Variants in WDR54 observed in about 807,000 individuals in gnomAD.
WDR54 encodes the protein WD repeat domain 54.
Under a neutral mutation model 44.1 loss-of-function variants are expected in WDR54, and 44 were observed. The ratio of observed to expected loss-of-function variants is 1.00; its 90% CI spans 0.78 to 1.28. WDR54 has a LOEUF of 1.28. WDR54 is among the 50% of genes most tolerant of loss of function. The pLI is 0.00. For missense variants in WDR54, 409 were observed against 429.7 expected (o/e 0.95, Z 0.43); for synonymous variants, 169 against 169.8 (o/e 1.00, Z 0.04).
At chr2:74,423,740 C>T in intron 5 of WDR54, 115 bp from the exon 6 acceptor site, 2 of 1,504,428 alleles carry the variant, frequency 1.3e-6, no homozygotes, top group Non-Finnish European at 1.8e-6. Flanking sequence ...GCCGTTGGAG[C>T]AGTGAGAGGG....
intron 1 of WDR54, 65 bp from the exon 2 acceptor site, chr2:74,422,088 C>T: frequency 6.5e-7 from 1 of 1,528,832 alleles, no homozygotes; most frequent in Non-Finnish European, 9.0e-7. Flanking sequence ...ATGATAGCCG[C>T]CCTCGGGCAT....
At chr2:74,422,116 G>A (rs1225939380) in intron 1 of WDR54, 37 bp from the exon 2 acceptor site, 1 of 1,598,948 alleles carries the variant, frequency 6.3e-7, no homozygotes, top group South Asian at 1.1e-5. Context: ...GCGTCTGTTT[G>A]TAGCGCGCCT....
rs375496069 is a variant in WDR54 at position 74,424,929 on chromosome 2, C to A, written c.589C>A (p.Arg197=). 2.5e-6 allele frequency: 4 copies of A among 1,614,144 alleles called. 1 individual carries two copies. The African/African-American group carries it at 5.3e-5, about 22-fold the overall frequency. ...ADDSGLLCVW[R]SGPEFTLLTR... ...TGACTCAGGCTTGCTGTGTGTCTGG[C>A]GGTCAGGGCCAGAATTCACATTATT... The change falls in exon 7 of 10, where the codon CGG becomes AGG. Residue 197 remains arginine (R), a synonymous_variant. Coordinates refer to ENST00000348227, the MANE Select transcript of WDR54 (RefSeq NM_032118.4).
In WDR54 at chr2:74,421,825, T is replaced by C. The variant is rs1022084515; in HGVS notation, c.-2+9T>C. 1.9e-5 allele frequency: 13 copies of C among 668,230 alleles called. No individual in the cohort carries two copies. The African/African-American group carries it at 2.2e-4, about 11-fold the overall frequency. The allele number at this position is 668,230 out of a possible 1,614,324, so 41.4% of individuals were successfully genotyped here. A position where few individuals can be genotyped will look rare whatever the true frequency, so the allele number is the denominator to read the frequency against. On this transcript the variant is annotated intron_variant, in intron 1 of 9. Coordinates refer to ENST00000348227, the MANE Select transcript of WDR54 (RefSeq NM_032118.4). ...CCGATCTGGGGCTGCAGGTGTTACC[T>C]CTGATCTAGGCCGGGGGCTTCAGGG...
At position 74,425,126 on chromosome 2, in the gene WDR54, T is replaced by C. The variant is rs780252412; in HGVS notation, c.687T>C (p.Tyr229=). 1.3e-6 allele frequency: 2 copies of C among 1,575,020 alleles called. No individual in the cohort carries two copies. Among genetic ancestry groups the C allele is most frequent in the African/African-American group, 1.3e-5 (1 of 74,372 alleles). The change falls in exon 8 of 10, where the codon TAT becomes TAC. Residue 229 remains tyrosine (Y), a synonymous_variant. Coordinates refer to ENST00000348227, the MANE Select transcript of WDR54 (RefSeq NM_032118.4). ...QLWQGIIAAG[Y]GNGQVHLYEA... ...GGCAGGGGATCATAGCAGCAGGCTA[T>C]GGGAACGGACAAGTGCATCTATATG...
chr2:74,425,715 C>T lies in WDR54; in HGVS notation c.*14C>T. ...AGCAGTGTGTGAGAAGAGCAGCCTT[C>T]CTTTGTCCCTGTGGTATTCATAAAG... On this transcript the variant is annotated 3_prime_UTR_variant, in exon 10 of 10. Coordinates refer to ENST00000348227, the MANE Select transcript of WDR54 (RefSeq NM_032118.4). The T allele has an allele frequency of 6.2e-7, 1 of 1,614,086 alleles. No homozygotes were observed. The highest frequency in any genetic ancestry group is 8.5e-7 in the Non-Finnish European group (1 of 1,180,016).
rs1465190573 is a variant in WDR54 at position 74,422,166 on chromosome 2, G to A, written c.13G>A (p.Glu5Lys). The stretch of plus-strand genomic sequence containing the variant: ...ACCCCCACACAGGATGTTCCGCTGG[G>A]AGCGCTCCATTCCCCTGCGAGGCTC... MFRW[E>K]RSIPLRGSAA... Residue 5 changes from glutamate to lysine, a missense_variant, in exon 2 of 10, where the codon GAG (glutamate) becomes AAG (lysine). Physicochemically the swap from Glu to Lys is moderately conservative, Grantham distance 56. Transcript: ENST00000348227. The A allele has an allele frequency of 6.2e-7, 1 of 1,612,844 alleles. No individual in the cohort carries two copies. The highest frequency in any genetic ancestry group is 8.5e-7 in the Non-Finnish European group (1 of 1,179,880).
In WDR54 at chr2:74,425,470, C is replaced by A. The variant is rs550064902; in HGVS notation, c.852C>A (p.Asn284Lys). Residue 284 changes from asparagine to lysine, a missense_variant, in exon 9 of 10, where the codon AAC becomes AAA. By Grantham distance (94) the Asn-to-Lys change is moderately conservative. Coordinates refer to ENST00000348227, the MANE Select transcript of WDR54 (RefSeq NM_032118.4). Reference sequence around the variant, plus strand: ...TGCATATCTGGAAGCTGAGCAGAAACCCAGAGAGTGGCTACATTGAGGTAT... The same window carrying A: ...TGCATATCTGGAAGCTGAGCAGAAAACCAGAGAGTGGCTACATTGAGGTAT... ...TFVHIWKLSRNPESGYIEVEH... is the reference protein window; with the variant it reads ...TFVHIWKLSRKPESGYIEVEH... The A allele has an allele frequency of 8.1e-6, 13 of 1,614,206 alleles. No individual in the cohort carries two copies. In the African/African-American group the frequency reaches 1.7e-4, roughly 22 times the overall value.
Position 74,425,507 on chromosome 2 carries a change from T to A in WDR54, c.873+16T>A. ...CTACATTGAGGTATGTGTCATGGGGTGGGTGGAATGGGGGGGCCCAAGCAT... is the reference window on the plus strand; with the variant it reads ...CTACATTGAGGTATGTGTCATGGGGAGGGTGGAATGGGGGGGCCCAAGCAT... On this transcript the variant is annotated intron_variant, in intron 9 of 9. Transcript: ENST00000348227. 1 of 1,613,142 alleles carries A rather than the reference T, an allele frequency of 6.2e-7. No homozygotes were observed. The highest frequency in any genetic ancestry group is 8.5e-7 in the Non-Finnish European group (1 of 1,179,814).
At position 74,425,175 on chromosome 2, in the gene WDR54, G is replaced by A. The variant is rs762328606; in HGVS notation, c.736G>A (p.Val246Ile). 13 of 1,545,514 alleles carry A rather than the reference G, an allele frequency of 8.4e-6. No homozygotes were observed. Among genetic ancestry groups the A allele is most frequent in the African/African-American group, 1.4e-5 (1 of 73,174 alleles). ...LYEATTGNLH[V>I]QINAHARAIC... Reference sequence around the variant, plus strand: ...TGAGGCCACTACAGGAAATCTACATGTCCAGATCAATGCCCATGCCCGGGC... The same window carrying A: ...TGAGGCCACTACAGGAAATCTACATATCCAGATCAATGCCCATGCCCGGGC... The change falls in exon 8 of 10, where the codon GTC (valine) becomes ATC (isoleucine). Residue 246 changes from valine to isoleucine, a missense_variant. Coordinates refer to ENST00000348227, the MANE Select transcript of WDR54 (RefSeq NM_032118.4).
Position 74,424,977 on chromosome 2 carries a change from T to C in WDR54, c.635+2T>C. The C allele has an allele frequency of 6.2e-7, 1 of 1,613,962 alleles. No individual in the cohort carries two copies. The highest frequency in any genetic ancestry group is 8.5e-7 in the Non-Finnish European group (1 of 1,179,962). ...ATTGACCCGCATTCCAGGATTTGGGTAGGTGAGGCAGAAAGGGTAGAGGGC... is the reference window on the plus strand; with the variant it reads ...ATTGACCCGCATTCCAGGATTTGGGCAGGTGAGGCAGAAAGGGTAGAGGGC... On this transcript the variant is annotated splice_donor_variant, in intron 7 of 9. Coordinates refer to ENST00000348227, the MANE Select transcript of WDR54 (RefSeq NM_032118.4). LOFTEE classifies it high-confidence loss of function.
chr2:74,422,376 G>C lies in WDR54; in HGVS notation c.222+1G>C. Reference sequence around the variant, plus strand: ...AGTGAGTCCCCCACTTATCACTCAGGTGAGGCATGGAGCTGGGAGTGATGT... The same window carrying C: ...AGTGAGTCCCCCACTTATCACTCAGCTGAGGCATGGAGCTGGGAGTGATGT... On this transcript the variant is annotated splice_donor_variant, in intron 2 of 9. Coordinates refer to ENST00000348227, the MANE Select transcript of WDR54 (RefSeq NM_032118.4). LOFTEE classifies it high-confidence loss of function. 6.2e-7 allele frequency: 1 copy of C among 1,611,020 alleles called. No homozygotes were observed. Among genetic ancestry groups the C allele is most frequent in the Non-Finnish European group, 8.5e-7 (1 of 1,177,760 alleles).
intron 4 of WDR54, 33 bp downstream of exon 4, chr2:74,423,418 G>A: frequency 6.2e-7 from 1 of 1,614,168 alleles, no homozygotes. Context: ...TGGGGGCAGG[G>A]AGTGTTTGCT....
intron 5 of WDR54, 37 bp downstream of exon 5, chr2:74,423,568 G>A (rs1341592527): frequency 1.2e-6 from 2 of 1,607,654 alleles, no homozygotes; most frequent in Non-Finnish European, 8.5e-7. Context: ...AGGGGTGCTG[G>A]GGCATGTGGG....
intron 1 of WDR54, 49 bp from the exon 2 acceptor site, chr2:74,422,104 C>G: frequency 6.3e-7 from 1 of 1,584,012 alleles, no homozygotes; most frequent in Non-Finnish European, 8.6e-7. Context: ...GGCATCTCCG[C>G]TGCGTCTGTT....
Position 74,425,471 on chromosome 2 carries a change from C to G in WDR54, c.853C>G (p.Pro285Ala), listed in dbSNP as rs1346228101. ...FVHIWKLSRN[P>A]ESGYIEVEHC... ...GCATATCTGGAAGCTGAGCAGAAAC[C>G]CAGAGAGTGGCTACATTGAGGTATG... Residue 285 changes from proline to alanine, a missense_variant, in exon 9 of 10, where the codon CCA becomes GCA. By Grantham distance (27) the Pro-to-Ala change is conservative (BLOSUM62 -1). Transcript: ENST00000348227. 2 of 1,614,192 alleles carry G rather than the reference C, an allele frequency of 1.2e-6. No individual in the cohort carries two copies. The highest frequency in any genetic ancestry group is 1.7e-6 in the Non-Finnish European group (2 of 1,180,024).
intron 8 of WDR54, 51 bp from the exon 9 acceptor site, chr2:74,425,366 T>C: frequency 6.2e-7 from 1 of 1,609,828 alleles, no homozygotes; most frequent in South Asian, 1.1e-5. Context: ...GGATTCCAGC[T>C]TATAGCTGTC....
In WDR54 at chr2:74,423,548, C is replaced by T. The variant is rs368553223; in HGVS notation, c.406+17C>T. Reference sequence around the variant, plus strand: ...TCTGTGTGGGTGAGGGAGCCAAGTGCAGGGCATGGAGGGGTGCTGGGGCAT... The same window carrying T: ...TCTGTGTGGGTGAGGGAGCCAAGTGTAGGGCATGGAGGGGTGCTGGGGCAT... On this transcript the variant is annotated intron_variant, in intron 5 of 9. Coordinates refer to ENST00000348227, the MANE Select transcript of WDR54 (RefSeq NM_032118.4). 6.2e-7 allele frequency: 1 copy of T among 1,613,480 alleles called. No homozygotes were observed. The highest frequency in any genetic ancestry group is 8.5e-7 in the Non-Finnish European group (1 of 1,179,676).
intron 2 of WDR54, 134 bp downstream of exon 2, chr2:74,422,509 C>A: frequency 8.8e-7 from 1 of 1,135,854 alleles, no homozygotes; most frequent in Non-Finnish European, 1.2e-6. Context: ...AATCTCCCCT[C>A]TCCTGCCGGG....
Sources: allele counts gnomAD v4.1 joint callset, GRCh38; gene constraint gnomAD v4.1.1; transcripts MANE v1.5; gene names NCBI Gene and HGNC (gene_info 2026-07-23, HGNC 2026-07-21).